Variants in SLC8A3 observed in about 807,000 individuals in gnomAD.
SLC8A3 encodes sodium/calcium exchanger 3.
SLC8A3 carries 37 observed loss-of-function variants against 65.4 expected under a neutral mutation model. That is an observed-to-expected ratio of 0.57 (90% CI 0.44 to 0.74). The LOEUF is 0.74. SLC8A3 is among the 30% of genes least tolerant of loss of function. SLC8A3 has a pLI of 0.00. For missense variants in SLC8A3, 1,112 were observed against 1,172.1 expected (o/e 0.95, Z 0.75); for synonymous variants, 461 against 444.5 (o/e 1.04, Z -0.47).
At chr14:70,086,326 C>A (rs538319300) in intron 2 of SLC8A3, among the ~76,000 whole-genome samples, 1 of 152,230 alleles carries the variant, frequency 6.6e-6, no homozygotes, top group African/African-American at 2.4e-5. Flanking sequence ...GGACTCCAAG[C>A]CCAAAGCCTT....
At chr14:70,052,394 T>A (rs1436930110) in intron 3 of SLC8A3, among the ~76,000 whole-genome samples, 1 of 152,216 alleles carries the variant, frequency 6.6e-6, no homozygotes, top group African/African-American at 2.4e-5. Context: ...TCAAGTGAAG[T>A]TCTCAAGACA....
chr14:70,105,732 C>A (rs1892826090), intron 2 of SLC8A3, among the ~76,000 whole-genome samples: 1 of 152,154 alleles, frequency 6.6e-6, no homozygotes, highest in Non-Finnish European at 1.5e-5. Flanking sequence ...TCTTGACTTA[C>A]TTTGTGAAGC....
At chr14:70,151,327 C>T (rs1896263386) in intron 2 of SLC8A3, among the ~76,000 whole-genome samples, 1 of 151,520 alleles carries the variant, frequency 6.6e-6, no homozygotes, top group South Asian at 2.1e-4. Context: ...AAGAGGAGGC[C>T]ATTATAACAG....
intron 2 of SLC8A3, among the ~76,000 whole-genome samples, chr14:70,118,932 G>T (rs1388056277): frequency 1.3e-5 from 2 of 152,146 alleles, no homozygotes; most frequent in Non-Finnish European, 2.9e-5. Flanking sequence ...AAATACTTGG[G>T]TCTAGCATGA....
chr14:70,130,733 A>G (rs1387963436), intron 2 of SLC8A3, among the ~76,000 whole-genome samples: 2 of 152,246 alleles, frequency 1.3e-5, no homozygotes, highest in Admixed American at 1.3e-4. Flanking sequence ...AGTTTTAATG[A>G]CAAATTGTAA....
chr14:70,067,854 GTTC>G (rs958540181), intron 2 of SLC8A3, among the ~76,000 whole-genome samples: 1 of 152,162 alleles, frequency 6.6e-6, no homozygotes, highest in Admixed American at 6.5e-5. Flanking sequence ...CCCATTTCCA[GTTC>G]TTCTTCCCGC....
At chr14:70,082,251 A>G (rs185053188) in intron 2 of SLC8A3, among the ~76,000 whole-genome samples, 8 of 152,162 alleles carry the variant, frequency 5.3e-5, no homozygotes. Context: ...TTTTCTAAAA[A>G]TATCAGATTT....
chr14:70,154,656 C>T (rs1016883428), intron 2 of SLC8A3, among the ~76,000 whole-genome samples: 2 of 152,200 alleles, frequency 1.3e-5, no homozygotes, highest in African/African-American at 4.8e-5. Flanking sequence ...CTCATCTGTA[C>T]ATATTTACTT....
At chr14:70,121,234 C>T (rs1894030931) in intron 2 of SLC8A3, among the ~76,000 whole-genome samples, 1 of 152,118 alleles carries the variant, frequency 6.6e-6, no homozygotes, top group African/African-American at 2.4e-5. Flanking sequence ...CAGGTCCAGG[C>T]TCCCTACGCC....
intron 2 of SLC8A3, among the ~76,000 whole-genome samples, chr14:70,156,924 A>G (rs17107868): frequency 0.036 from 5,427 of 152,340 alleles, 324 homozygotes; most frequent in African/African-American, 0.12. Context: ...AAAACGACGG[A>G]AGATTATCTT....
chr14:70,100,526 A>G (rs913833588), intron 2 of SLC8A3, among the ~76,000 whole-genome samples: 1 of 152,252 alleles, frequency 6.6e-6, no homozygotes, highest in Non-Finnish European at 1.5e-5. Flanking sequence ...AGATTTTAAC[A>G]GGGATAGCAA....
intron 2 of SLC8A3, among the ~76,000 whole-genome samples, chr14:70,080,931 C>G (rs1464079152): frequency 6.6e-6 from 1 of 152,170 alleles, no homozygotes; most frequent in Non-Finnish European, 1.5e-5. Flanking sequence ...GATAGGTTGG[C>G]AACTTGCCCA....
rs916198401 is a variant in SLC8A3, at chr14:70,168,174, G to T, written c.249C>A (p.Ala83=). 6.2e-7 allele frequency: 1 copy of T among 1,614,126 alleles called. No individual in the cohort carries two copies. The highest frequency in any genetic ancestry group is 1.1e-5 in the South Asian group (1 of 91,078). ...ACACCCCAAGGAACATGTATATCAG[G>T]GCCACAAAATAGACAATGACCCTGG... is the stretch of plus-strand genomic sequence containing the variant. ...KIARVIVYFV[A]LIYMFLGVSI... Residue 83 remains alanine (A), a synonymous_variant, in exon 2 of 7, where the codon GCC becomes GCA. Transcript: ENST00000356921.
At chr14:70,171,962 G>A (rs1358689844) in intron 1 of SLC8A3, among the ~76,000 whole-genome samples, 2 of 152,118 alleles carry the variant, frequency 1.3e-5, no homozygotes, top group African/African-American at 4.8e-5. Flanking sequence ...GAGAAAGCAG[G>A]AACATCTCTA....
At chr14:70,139,501 G>A (rs1396896187) in intron 2 of SLC8A3, among the ~76,000 whole-genome samples, 3 of 152,176 alleles carry the variant, frequency 2.0e-5, no homozygotes, top group African/African-American at 4.8e-5. Flanking sequence ...GCAGCTTCTC[G>A]CCCAGCAGAA....
At chr14:70,105,843 A>G (rs1360287661) in intron 2 of SLC8A3, among the ~76,000 whole-genome samples, 1 of 152,206 alleles carries the variant, frequency 6.6e-6, no homozygotes, top group Non-Finnish European at 1.5e-5. Context: ...TACTTAACAA[A>G]ATAGTATCAG....
At chr14:70,084,719 C>A (rs1335537589) in intron 2 of SLC8A3, among the ~76,000 whole-genome samples, 2 of 152,118 alleles carry the variant, frequency 1.3e-5, no homozygotes, top group African/African-American at 4.8e-5. Context: ...TGGAAAATAT[C>A]CATTGAGAAA....
At chr14:70,105,809 T>C (rs1892831125) in intron 2 of SLC8A3, among the ~76,000 whole-genome samples, 1 of 152,050 alleles carries the variant, frequency 6.6e-6, no homozygotes, top group African/African-American at 2.4e-5. Flanking sequence ...CAGACCAACA[T>C]CTCTCATGAA....
chr14:70,051,655 A>G (rs1027644377), intron 4 of SLC8A3, among the ~76,000 whole-genome samples: 8 of 152,212 alleles, frequency 5.3e-5, no homozygotes, highest in Admixed American at 2.0e-4. Flanking sequence ...ATGAATAATA[A>G]TAATGATGTT....
Sources: allele counts gnomAD v4.1 joint callset (sites outside exome capture counted in the v4.1 genomes callset), GRCh38; gene constraint gnomAD v4.1.1; transcripts MANE v1.5; gene names NCBI Gene and HGNC (gene_info 2026-07-23, HGNC 2026-07-21).